UGT2A2: variants seen among roughly 807,000 people sequenced by gnomAD.
The protein encoded by UGT2A2 is UDP-glucuronosyltransferase 2A2.
A neutral mutation model predicts 50.7 loss-of-function variants in UGT2A2; 60 were observed. The ratio of observed to expected loss-of-function variants is 1.18; its 90% CI spans 0.96 to 1.47. The LOEUF is 1.47. Ranked by LOEUF, UGT2A2 falls within the 40% of genes most tolerant of loss-of-function variation. The pLI is 0.00. For synonymous variants in UGT2A2, 242 were observed against 214.6 expected (o/e 1.13, Z -1.11); for missense variants, 762 against 634.0 (o/e 1.20, Z -2.17).
At position 69,596,237 on chromosome 4, in the gene UGT2A2, A is replaced by C. The variant is rs751989542; in HGVS notation, c.1023+13T>G. ...GTAAAAAGCTGTGTACCAGGATTCC[A>C]GGCTGTACTGACCTTCTGTGGAATC... On this transcript the variant is annotated intron_variant, in intron 3 of 5. Coordinates refer to ENST00000604629, the MANE Select transcript of UGT2A2 (RefSeq NM_001105677.2). 5 of 1,535,678 alleles carry C rather than the reference A, an allele frequency of 3.3e-6. No homozygotes were observed. The African/African-American group carries it at 7.0e-5, about 21-fold the overall frequency.
At chr4:69,615,843 A>T (rs1720347931) in intron 1 of UGT2A2, among the ~76,000 whole-genome samples, 1 of 150,696 alleles carries the variant, frequency 6.6e-6, no homozygotes, top group African/African-American at 2.4e-5. Context: ...TATGGAGAAG[A>T]GTGTGGATAT....
chr4:69,611,413 G>T (rs1233379076), intron 1 of UGT2A2, among the ~76,000 whole-genome samples: 1 of 151,644 alleles, frequency 6.6e-6, no homozygotes, highest in Non-Finnish European at 1.5e-5. Context: ...GAGAATGGAA[G>T]TCCTTTTCTA....
chr4:69,594,457 T>G lies in UGT2A2; in HGVS notation c.1331+20A>C. ...AATGTAATTAAAGTTAGGCAAGTTT[T>G]TAGGAGCCTTAGTACTTACGAAGGT... On this transcript the variant is annotated intron_variant, in intron 5 of 5. Transcript: ENST00000604629. The G allele has an allele frequency of 6.2e-7, 1 of 1,608,748 alleles. No homozygotes were observed. The highest frequency in any genetic ancestry group is 1.3e-5 in the African/African-American group (1 of 74,698).
intron 1 of UGT2A2, among the ~76,000 whole-genome samples, chr4:69,607,528 A>G (rs2109908641): frequency 6.6e-6 from 1 of 151,936 alleles, no homozygotes; most frequent in South Asian, 2.1e-4. Context: ...TCATGTCTAA[A>G]ACACCAAAAG....
At chr4:69,618,877 G>T (rs1342087874) in intron 1 of UGT2A2, among the ~76,000 whole-genome samples, 1 of 151,534 alleles carries the variant, frequency 6.6e-6, no homozygotes, top group Non-Finnish European at 1.5e-5. Context: ...ACCAAACTTC[G>T]GAAAATTTTC....
intron 1 of UGT2A2, among the ~76,000 whole-genome samples, chr4:69,637,389 G>T (rs979635001): frequency 5.9e-5 from 9 of 151,960 alleles, no homozygotes; most frequent in African/African-American, 2.2e-4. Context: ...ATCAAGAGAA[G>T]AAAAAAGATA....
intron 1 of UGT2A2, among the ~76,000 whole-genome samples, chr4:69,637,974 A>G (rs1721811850): frequency 6.6e-6 from 1 of 151,570 alleles, no homozygotes; most frequent in Admixed American, 6.6e-5. Context: ...GAAGGAAAAA[A>G]GGAAGGCAAG....
intron 1 of UGT2A2, among the ~76,000 whole-genome samples, chr4:69,605,751 A>T (rs1240917094): frequency 7.3e-6 from 1 of 137,024 alleles, no homozygotes; most frequent in Non-Finnish European, 1.6e-5. Flanking sequence ...ATCACCACCG[A>T]TCCCACAGAA....
intron 1 of UGT2A2, among the ~76,000 whole-genome samples, chr4:69,625,559 T>C (rs1721008860): frequency 6.6e-6 from 1 of 151,386 alleles, no homozygotes; most frequent in Non-Finnish European, 1.5e-5. Flanking sequence ...CAATGTATTT[T>C]TAATTTTAGA....
chr4:69,625,294 A>T (rs1163810672), intron 1 of UGT2A2, among the ~76,000 whole-genome samples: 1 of 150,594 alleles, frequency 6.6e-6, no homozygotes, highest in Non-Finnish European at 1.5e-5. Flanking sequence ...TACTTGGTTA[A>T]TTGAACTTCT....
At chr4:69,597,763 C>T (rs776748623) in intron 2 of UGT2A2, among the ~76,000 whole-genome samples, 7 of 151,932 alleles carry the variant, frequency 4.6e-5, no homozygotes, top group Non-Finnish European at 1.0e-4. Context: ...CAAACGTACA[C>T]ATCTATCATA....
intron 1 of UGT2A2, among the ~76,000 whole-genome samples, chr4:69,629,417 C>A (rs1018492466): frequency 6.6e-6 from 1 of 152,018 alleles, no homozygotes; most frequent in Non-Finnish European, 1.5e-5. Context: ...GAATACAGTG[C>A]CTAATAAGAG....
intron 1 of UGT2A2, among the ~76,000 whole-genome samples, chr4:69,611,793 G>A (rs1157533496): frequency 6.6e-6 from 1 of 152,046 alleles, no homozygotes; most frequent in Non-Finnish European, 1.5e-5. Flanking sequence ...AAACTTGAAT[G>A]GTTCATTCTG....
intron 5 of UGT2A2, among the ~76,000 whole-genome samples, chr4:69,591,832 A>G (rs1718612816): frequency 6.6e-6 from 1 of 152,222 alleles, no homozygotes; most frequent in Non-Finnish European, 1.5e-5. Context: ...CAAAATTGTC[A>G]GCAACTAACA....
intron 1 of UGT2A2, among the ~76,000 whole-genome samples, chr4:69,631,951 A>T (rs1721412363): frequency 6.6e-6 from 1 of 152,232 alleles, no homozygotes; most frequent in African/African-American, 2.4e-5. Flanking sequence ...TTCCAAAATA[A>T]TATCATTAAA....
chr4:69,618,327 T>A (rs1720539373), intron 1 of UGT2A2, among the ~76,000 whole-genome samples: 1 of 141,906 alleles, frequency 7.0e-6, no homozygotes, highest in Non-Finnish European at 1.6e-5. Context: ...TTAAATTAAG[T>A]CCAACCAGTA....
chr4:69,624,313 A>T (rs996940631), intron 1 of UGT2A2, among the ~76,000 whole-genome samples: 1 of 151,456 alleles, frequency 6.6e-6, no homozygotes, highest in African/African-American at 2.4e-5. Flanking sequence ...CTTTACTGTT[A>T]GTATCATAGG....
chr4:69,612,703 C>A (rs1279738311), intron 1 of UGT2A2, among the ~76,000 whole-genome samples: 1 of 151,920 alleles, frequency 6.6e-6, no homozygotes, highest in African/African-American at 2.4e-5. Flanking sequence ...CGGATTGTCA[C>A]AATTTACCCT....
chr4:69,629,570 T>G (rs1306930311), intron 1 of UGT2A2, among the ~76,000 whole-genome samples: 1 of 152,086 alleles, frequency 6.6e-6, no homozygotes, highest in African/African-American at 2.4e-5. Flanking sequence ...GCTCTAGACA[T>G]CTATGTGATT....
Sources: allele counts gnomAD v4.1 joint callset (sites outside exome capture counted in the v4.1 genomes callset), GRCh38; gene constraint gnomAD v4.1.1; transcripts MANE v1.5; gene names NCBI Gene and HGNC (gene_info 2026-07-23, HGNC 2026-07-21).